DGLUCY: variants seen among roughly 807,000 people sequenced by gnomAD.
DGLUCY encodes the protein D-glutamate cyclase.
In DGLUCY, 58 loss-of-function variants were observed where a neutral mutation model predicts 58.5. That is an observed-to-expected ratio of 0.99 (90% CI 0.80 to 1.23). The LOEUF (loss-of-function observed/expected upper bound fraction) is 1.23, where lower values mean the gene tolerates loss of function less well. Among genes scored for constraint, DGLUCY ranks in the 50% most tolerant of loss-of-function variants. DGLUCY has a pLI of 0.00. For missense variants in DGLUCY, 779 were observed against 784.7 expected (o/e 0.99, Z 0.09); for synonymous variants, 325 against 314.1 (o/e 1.03, Z -0.37).
intron 1 of DGLUCY, among the ~76,000 whole-genome samples, chr14:91,116,854 G>T (rs2044988391): frequency 6.6e-6 from 1 of 151,448 alleles, no homozygotes; most frequent in Non-Finnish European, 1.5e-5. Context: ...TGAGGCAGGA[G>T]AATTGCTTGA....
intron 1 of DGLUCY, among the ~76,000 whole-genome samples, chr14:91,124,796 AT>A (rs576537154): frequency 1.8e-3 from 269 of 152,284 alleles, no homozygotes; most frequent in South Asian, 0.012. Context: ...TAGAAGCAAA[AT>A]TTATTCAAAG....
At chr14:91,141,412 A>G (rs573399284) in intron 1 of DGLUCY, among the ~76,000 whole-genome samples, 17 of 152,174 alleles carry the variant, frequency 1.1e-4, no homozygotes, top group Admixed American at 1.0e-3. Flanking sequence ...GTTATCGTAT[A>G]TTGAACATTT....
upstream of DGLUCY, among the ~76,000 whole-genome samples, chr14:91,111,690 G>A (rs1454297635): frequency 1.3e-5 from 2 of 152,358 alleles, no homozygotes; most frequent in Non-Finnish European, 2.9e-5. Context: ...CAAGGTGGAA[G>A]AAACAAGGCA....
intron 1 of DGLUCY, among the ~76,000 whole-genome samples, chr14:91,091,859 G>A (rs1172296395): frequency 6.6e-6 from 1 of 152,098 alleles, no homozygotes; most frequent in African/African-American, 2.4e-5. Context: ...TGAGCATTTT[G>A]GGACACGGCC....
chr14:91,099,314 C>G (rs139151057), intron 1 of DGLUCY, among the ~76,000 whole-genome samples: 4,616 of 152,218 alleles, frequency 0.03, 235 homozygotes, highest in African/African-American at 0.11. Flanking sequence ...AGGCAGATCA[C>G]TTGAGGTCAG....
chr14:91,093,083 C>CA (rs1157463939), intron 1 of DGLUCY, among the ~76,000 whole-genome samples: 931 of 57,290 alleles, frequency 0.016, 9 homozygotes, highest in African/African-American at 0.039. Context: ...AACTCAGTCT[C>CA]AAAAAAAAAA....
At chr14:91,189,229 G>C (rs1203656383) in intron 9 of DGLUCY, 59 bp downstream of exon 9, 1 of 1,596,558 alleles carries the variant, frequency 6.3e-7, no homozygotes, top group African/African-American at 1.3e-5. Context: ...ACGGAGGCTG[G>C]AGGGAATCAG....
upstream of DGLUCY, among the ~76,000 whole-genome samples, chr14:91,110,774 A>G (rs1457947772): frequency 6.6e-6 from 1 of 152,112 alleles, no homozygotes; most frequent in Non-Finnish European, 1.5e-5. Context: ...TCATTGTAGT[A>G]AAATATGCAT....
intron 8 of DGLUCY, among the ~76,000 whole-genome samples, chr14:91,188,681 T>G (rs2049676585): frequency 6.6e-6 from 1 of 151,774 alleles, no homozygotes; most frequent in Admixed American, 6.6e-5. Context: ...CCAAAAAAAA[T>G]TAGCGGGCTG....
At chr14:91,105,656 T>A (rs1159040935), upstream of DGLUCY, among the ~76,000 whole-genome samples, 1 of 152,180 alleles carries the variant, frequency 6.6e-6, no homozygotes, top group Non-Finnish European at 1.5e-5. Context: ...ATGAAACTCA[T>A]TCTTCAGAGA....
At chr14:91,144,392 T>C (rs1348014780) in intron 1 of DGLUCY, among the ~76,000 whole-genome samples, 1 of 152,262 alleles carries the variant, frequency 6.6e-6, no homozygotes, top group East Asian at 1.9e-4. Flanking sequence ...AAACCTTGTC[T>C]CTACTAAAGA....
At chr14:91,095,219 A>T (rs1023210620) in intron 1 of DGLUCY, among the ~76,000 whole-genome samples, 17 of 152,198 alleles carry the variant, frequency 1.1e-4, no homozygotes, top group African/African-American at 3.9e-4. Flanking sequence ...GCTTTCCTTC[A>T]TATCACAAAA....
rs978147749 is a variant in DGLUCY at position 91,149,183 on chromosome 14, G to A, written c.-81-8456G>A. 3.3e-5 allele frequency among the ~76,000 whole-genome samples: 5 copies of A among 151,512 alleles called. No homozygotes were observed. In the East Asian group the frequency reaches 9.7e-4, roughly 29 times the overall value. On this transcript the variant is annotated intron_variant, in intron 1 of 13. Transcript: ENST00000256324. ...AATCACTTGAACCCGTGCGGCGGAGGTTGCTGTGAGCCGAGATGGTGCCAT... is the reference window on the plus strand; with the variant it reads ...AATCACTTGAACCCGTGCGGCGGAGATTGCTGTGAGCCGAGATGGTGCCAT...
At chr14:91,157,472 T>C (rs1316365568) in intron 1 of DGLUCY, among the ~76,000 whole-genome samples, 167 bp from the exon 2 acceptor site, 5 of 152,236 alleles carry the variant, frequency 3.3e-5, no homozygotes, top group African/African-American at 4.8e-5. Context: ...ATGCCTTTTT[T>C]GTGTGTGGGA....
chr14:91,074,116 TATACAC>T (rs1448227207), intron 1 of DGLUCY, among the ~76,000 whole-genome samples: 117 of 77,474 alleles, frequency 1.5e-3, no homozygotes, highest in East Asian at 6.6e-3. Flanking sequence ...TATATATATA[TATACAC>T]ACACACACAC....
rs759389819 is a variant in DGLUCY, at chr14:91,170,149, C to T, written c.404C>T (p.Ala135Val). ...TCCCTGGAGGAGGCCTTGGAGAAAG[C>T]GGGGCTCCCCAGAAGAGACCCAGCA... ...SFSLEEALEK[A>V]GLPRRDPAGH... is the part of the protein sequence containing the mutation. Residue 135 changes from alanine (A) to valine (V), a missense_variant, in exon 5 of 14, where the codon GCG becomes GTG. By Grantham distance (64) the Ala-to-Val change is moderately conservative. Coordinates refer to ENST00000256324, the MANE Select transcript of DGLUCY (RefSeq NM_001102368.3). 9 of 1,613,466 alleles carry T rather than the reference C, an allele frequency of 5.6e-6. No individual in the cohort carries two copies. Among genetic ancestry groups the T allele is most frequent in the Middle Eastern group, 1.8e-4 (1 of 5,642 alleles).
intron 10 of DGLUCY, among the ~76,000 whole-genome samples, chr14:91,197,051 C>T (rs1204195063): frequency 6.6e-6 from 1 of 152,146 alleles, no homozygotes; most frequent in Non-Finnish European, 1.5e-5. Context: ...ACTACAACCT[C>T]CGCCTCCCAG....
At chr14:91,079,158 T>C (rs923651445) in intron 1 of DGLUCY, among the ~76,000 whole-genome samples, 5 of 151,772 alleles carry the variant, frequency 3.3e-5, no homozygotes, top group Admixed American at 1.3e-4. Flanking sequence ...CCCGCCTTGG[T>C]CTCCCAAAGT....
intron 3 of DGLUCY, among the ~76,000 whole-genome samples, chr14:91,163,362 T>C (rs944228527): frequency 1.3e-5 from 2 of 152,164 alleles, no homozygotes; most frequent in Admixed American, 1.3e-4. Context: ...CCAAATCCCC[T>C]CCCACCTCGC....
Sources: allele counts gnomAD v4.1 joint callset (sites outside exome capture counted in the v4.1 genomes callset), GRCh38; gene constraint gnomAD v4.1.1; transcripts MANE v1.5; gene names NCBI Gene and HGNC (gene_info 2026-07-23, HGNC 2026-07-21).